Variants in DNAH12 observed in about 807,000 individuals in gnomAD.
The protein encoded by DNAH12 is axonemal beta dynein heavy chain 12.
DNAH12 carries 285 observed loss-of-function variants against 371.5 expected under a neutral mutation model. The observed-to-expected ratio is 0.77, with a 90% CI of 0.70 to 0.85. The LOEUF (loss-of-function observed/expected upper bound fraction) is 0.85. DNAH12 is among the 40% of genes least tolerant of loss of function. The pLI is 0.00. For synonymous variants in DNAH12, 1,200 were observed against 1,213.0 expected (o/e 0.99, Z 0.22); for missense variants, 3,611 against 3,689.4 (o/e 0.98, Z 0.55).
chr3:57,403,959 T>G (rs1237465416), intron 42 of DNAH12, among the ~76,000 whole-genome samples: 1 of 152,166 alleles, frequency 6.6e-6, no homozygotes, highest in African/African-American at 2.4e-5. Flanking sequence ...TAGAAAAACT[T>G]ACAGTATCTG....
chr3:57,546,352 TG>T (rs1484678677), upstream of DNAH12, among the ~76,000 whole-genome samples: 4 of 152,136 alleles, frequency 2.6e-5, no homozygotes, highest in African/African-American at 9.7e-5. Context: ...TAACTCCAGG[TG>T]TTATCTCAGA....
chr3:57,447,424 A>T (rs757460016), intron 25 of DNAH12, among the ~76,000 whole-genome samples: 6 of 152,170 alleles, frequency 3.9e-5, no homozygotes, highest in Non-Finnish European at 5.9e-5. Context: ...CGGGAGTTTC[A>T]AATTTAACTT....
rs1449433824 is a variant in DNAH12, at chr3:57,446,648, C to A, written c.3828G>T (p.Gly1276=). ...TTTCGGTTTTTCCTGTGCCTGCTGG[C>A]CCCTCTGGAGCACCTCCAAGGTTTA... is the stretch of plus-strand genomic sequence containing the variant. ...FYLNLGGAPE[G]PAGTGKTETT... Residue 1276 remains glycine (G), a synonymous_variant, in exon 26 of 74, where the codon GGG becomes GGT. Transcript: ENST00000495027. The A allele has an allele frequency of 6.5e-7, 1 of 1,548,466 alleles. No homozygotes were observed. Among genetic ancestry groups the A allele is most frequent in the South Asian group, 1.2e-5 (1 of 83,334 alleles).
chr3:57,478,182 A>G (rs1015923617), intron 13 of DNAH12, among the ~76,000 whole-genome samples: 3 of 152,280 alleles, frequency 2.0e-5, no homozygotes, highest in East Asian at 1.9e-4. Context: ...TTGAAAAAAA[A>G]TTAGACGAAT....
chr3:57,301,145 C>T (rs899329845), intron 70 of DNAH12, among the ~76,000 whole-genome samples: 5 of 151,436 alleles, frequency 3.3e-5, no homozygotes, highest in South Asian at 2.1e-4. Context: ...AAATTAGCCA[C>T]GTATGGTGGC....
At chr3:57,349,254 T>C (rs1268529314) in intron 60 of DNAH12, among the ~76,000 whole-genome samples, 1 of 152,066 alleles carries the variant, frequency 6.6e-6, no homozygotes, top group Non-Finnish European at 1.5e-5. Context: ...TATCAGGGAA[T>C]CGCAAATCAA....
At chr3:57,526,202 T>G (rs1465527945) in intron 2 of DNAH12, among the ~76,000 whole-genome samples, 1 of 152,178 alleles carries the variant, frequency 6.6e-6, no homozygotes, top group Non-Finnish European at 1.5e-5. Context: ...CACCCACAGA[T>G]AAGTGAATGA....
At chr3:57,469,276 C>A (rs534777677) in intron 16 of DNAH12, among the ~76,000 whole-genome samples, 3 of 152,236 alleles carry the variant, frequency 2.0e-5, no homozygotes, top group African/African-American at 7.2e-5. Context: ...CAATGAGAGA[C>A]CATCTCCCAT....
the DNAH12 span, among the ~76,000 whole-genome samples, chr3:57,555,421 G>A: frequency 1.3e-5 from 2 of 152,026 alleles, no homozygotes; most frequent in Admixed American, 6.6e-5. Context: ...GCTCTTGCCT[G>A]TTTGTACTTG....
intron 45 of DNAH12, among the ~76,000 whole-genome samples, chr3:57,390,424 A>AAAAAAAATATATATATATATATATAT: frequency 3.9e-4 from 13 of 33,422 alleles, no homozygotes; most frequent in Non-Finnish European, 6.3e-4. Flanking sequence ...AAAAAAAAAA[A>AAAAAAAATATATATATATATATATAT]ATATATATAT....
At chr3:57,453,835 A>G (rs1428829298) in intron 23 of DNAH12, among the ~76,000 whole-genome samples, 5 of 152,184 alleles carry the variant, frequency 3.3e-5, no homozygotes, top group Non-Finnish European at 5.9e-5. Context: ...CGGTCTCCCA[A>G]AGTGCTAGGA....
At chr3:57,410,607 CAG>C (rs1471355692) in intron 39 of DNAH12, among the ~76,000 whole-genome samples, 34 of 152,124 alleles carry the variant, frequency 2.2e-4, no homozygotes, top group African/African-American at 8.2e-4. Context: ...CACTTGAGGT[CAG>C]AAGATCAAGA....
Position 57,508,391 on chromosome 3 carries a change from G to T in DNAH12, c.692C>A (p.Thr231Lys), listed in dbSNP as rs773547735. The part of the protein sequence containing the change: ...TFADTVLLDF[T>K]GIRAKGPIDC... ...TTAAACGGGATTTTACCTAATTCCT[G>T]TGAAGTCCAACAAAACTGTATCAGC... The change falls in exon 7 of 74, where the codon ACA becomes AAA. Residue 231 changes from threonine to lysine, a missense_variant. By Grantham distance (78) the Thr-to-Lys change is moderately conservative. Transcript: ENST00000495027. 16 of 1,602,504 alleles carry T rather than the reference G, an allele frequency of 1.0e-5. No individual in the cohort carries two copies. The highest frequency in any genetic ancestry group is 1.2e-5 in the Non-Finnish European group (14 of 1,176,586).
chr3:57,391,885 A>G lies in DNAH12; in HGVS notation c.7292T>C (p.Ile2431Thr), dbSNP rs2063630839. The G allele has an allele frequency of 6.5e-6, 1 of 153,134 alleles. No homozygotes were observed. 9.5% of individuals were successfully genotyped at this position (153,134 alleles called of 1,614,324 possible). A position where few individuals can be genotyped will look rare whatever the true frequency, so the allele number is the denominator to read the frequency against. The change falls in exon 45 of 74, where the codon ATT (isoleucine) becomes ACT (threonine). Residue 2431 changes from isoleucine to threonine, a missense_variant. Transcript: ENST00000495027. The stretch of plus-strand genomic sequence containing the variant: ...AAAATTACAAACCTGAAACCAGTCA[A>G]TGGTACAGCAATTGATGAGGGATGG... ...QFPSLINCCT[I>T]DWFQSWPEDA...
At chr3:57,317,737 A>G (rs1180296134) in intron 65 of DNAH12, among the ~76,000 whole-genome samples, 2 of 152,034 alleles carry the variant, frequency 1.3e-5, no homozygotes, top group Non-Finnish European at 2.9e-5. Context: ...ATTTTTTGAG[A>G]GTCTCCATAC....
Position 57,468,750 on chromosome 3 carries a change from T to A in DNAH12, c.2335A>T (p.Ile779Leu). The A allele has an allele frequency of 6.9e-7, 1 of 1,444,038 alleles. No homozygotes were observed. The highest frequency in any genetic ancestry group is 9.1e-7 in the Non-Finnish European group (1 of 1,104,092). The allele number at this position is 1,444,038 out of a possible 1,614,324, so 89.5% of individuals were successfully genotyped here. A position where few individuals can be genotyped will look rare whatever the true frequency, so the allele number is the denominator to read the frequency against. Residue 779 changes from isoleucine (I) to leucine (L), a missense_variant, in exon 17 of 74, where the codon ATA becomes TTA. By Grantham distance (5) the Ile-to-Leu change is conservative. Transcript: ENST00000495027. ...ITMCSTVMEQ[I>L]KAFKEYIPTV... ...TATATTTATACCTTAAAAGCTTTTA[T>A]CTGTTCCATGACTGTACTGCACATA...
At chr3:57,311,096 T>C (rs75843593) in intron 66 of DNAH12, 146 bp from the exon 67 acceptor site, 1 of 678,522 alleles carries the variant, frequency 1.5e-6, no homozygotes, top group Non-Finnish European at 2.5e-6. Context: ...AGTTTTTTTT[T>C]GGACAGTCTC....
rs1406116649 is a variant in DNAH12 at position 57,411,542 on chromosome 3, AAAAAAAAAAAAAAG to A, written c.6020+2190_6020+2203del. Among the ~76,000 whole-genome samples, 61 of 146,398 alleles carry A rather than the reference AAAAAAAAAAAAAAG, an allele frequency of 4.2e-4. 1 individual carries two copies. The highest frequency in any genetic ancestry group is 2.0e-3 in the South Asian group (9 of 4,542). Reference sequence around the variant, plus strand: ...ACACTGTCTCAAAAAAAAAAAAAAAAAAAAAAAAAAAAAGAAAGAAAGAAAAGTACAACACCATT... The same window carrying A: ...ACACTGTCTCAAAAAAAAAAAAAAAAAAAGAAAGAAAAGTACAACACCATT... On this transcript the variant is annotated intron_variant, in intron 39 of 73. Transcript: ENST00000495027.
At chr3:57,510,720 A>G in intron 5 of DNAH12, 70 bp downstream of exon 5, 2 of 1,415,816 alleles carry the variant, frequency 1.4e-6, no homozygotes, top group East Asian at 4.6e-5. Context: ...GCTTATTTCT[A>G]TTTTTGATTC....
Sources: allele counts gnomAD v4.1 joint callset (sites outside exome capture counted in the v4.1 genomes callset), GRCh38; gene constraint gnomAD v4.1.1; transcripts MANE v1.5; gene names NCBI Gene and HGNC (gene_info 2026-07-23, HGNC 2026-07-21).